RFX7: variants seen among roughly 807,000 people sequenced by gnomAD.
RFX7 encodes the protein DNA-binding protein RFX7.
In RFX7, 26 loss-of-function variants were observed where a neutral mutation model predicts 111.8. That is an observed-to-expected ratio of 0.23 (90% CI 0.17 to 0.32). The LOEUF (loss-of-function observed/expected upper bound fraction) is 0.32. Among genes scored for constraint, RFX7 ranks in the 10% least tolerant of loss-of-function variants. RFX7 has a pLI of 1.00. For missense variants in RFX7, 1,573 were observed against 1,772.9 expected (o/e 0.89, Z 2.02); for synonymous variants, 624 against 624.4 (o/e 1.00, Z 0.01).
In RFX7 at chr15:56,156,213, C is replaced by A. The variant is rs139716637; in HGVS notation, c.196-11730G>T. 1.1e-3 allele frequency among the ~76,000 whole-genome samples: 165 copies of A among 152,156 alleles called. 3 individuals carry two copies. The highest frequency in any genetic ancestry group is 3.8e-3 in the African/African-American group (158 of 41,444). On this transcript the variant is annotated intron_variant, in intron 3 of 9. Transcript: ENST00000559447. ...GATCCTGGTTTGTCCAAACTAAATC[C>A]ACCTTTGAGGCAGAATCCTGAAAGA...
chr15:56,133,612 T>C (rs1473917086), intron 5 of RFX7, among the ~76,000 whole-genome samples: 1 of 152,140 alleles, frequency 6.6e-6, no homozygotes, highest in Non-Finnish European at 1.5e-5. Flanking sequence ...CTAATGATTG[T>C]GTGTCTAACT....
intron 5 of RFX7, among the ~76,000 whole-genome samples, chr15:56,135,922 T>C (rs1342602064): frequency 2.0e-5 from 3 of 152,192 alleles, no homozygotes; most frequent in African/African-American, 7.2e-5. Context: ...GATCAGATAG[T>C]TGTAGATATG....
At chr15:56,181,230 T>C (rs368437556) in intron 2 of RFX7, among the ~76,000 whole-genome samples, 36 of 152,236 alleles carry the variant, frequency 2.4e-4, no homozygotes, top group Middle Eastern at 3.4e-3. Context: ...GCGGCAGGAG[T>C]GGGCCCTGCA....
intron 3 of RFX7, among the ~76,000 whole-genome samples, chr15:56,155,340 A>C (rs534619011): frequency 6.1e-4 from 93 of 152,316 alleles, no homozygotes; most frequent in African/African-American, 2.1e-3. Context: ...CACTATTCAC[A>C]ATAGCAAAGA....
chr15:56,095,103 G>A lies in RFX7; in HGVS notation c.2625C>T (p.Tyr875=). 1 of 1,613,916 alleles carries A rather than the reference G, an allele frequency of 6.2e-7. No homozygotes were observed. The highest frequency in any genetic ancestry group is 1.1e-5 in the South Asian group (1 of 91,080). ...EPSVSQTNES[Y]FPFDDELTQD... ...GTGTAAGTTCATCATCAAAAGGAAA[G>A]TAGCTTTCATTTGTCTGGGAAACAG... Residue 875 remains tyrosine (Y), a synonymous_variant, in exon 10 of 10, where the codon TAC becomes TAT. Coordinates refer to ENST00000559447, the MANE Select transcript of RFX7 (RefSeq NM_022841.7).
chr15:56,156,690 T>G (rs1234206940), intron 3 of RFX7, among the ~76,000 whole-genome samples: 1 of 151,018 alleles, frequency 6.6e-6, no homozygotes, highest in East Asian at 1.9e-4. Context: ...ATGTTCCTAA[T>G]AGCAATACTA....
At chr15:56,198,679 A>T (rs566406187) in intron 2 of RFX7, among the ~76,000 whole-genome samples, 5 of 152,280 alleles carry the variant, frequency 3.3e-5, no homozygotes, top group Non-Finnish European at 5.9e-5. Flanking sequence ...CAGTAGCCAT[A>T]AGGACACTGA....
chr15:56,100,479 G>A (rs558015062), intron 8 of RFX7, among the ~76,000 whole-genome samples: 2 of 152,302 alleles, frequency 1.3e-5, no homozygotes, highest in Admixed American at 6.5e-5. Flanking sequence ...CATTATTAAT[G>A]TGTAAAAGAT....
intron 2 of RFX7, among the ~76,000 whole-genome samples, chr15:56,207,584 A>C (rs1336052363): frequency 6.6e-6 from 1 of 152,130 alleles, no homozygotes; most frequent in African/African-American, 2.4e-5. Context: ...AAAGCAATAA[A>C]CTCTTTCAGA....
intron 2 of RFX7, among the ~76,000 whole-genome samples, chr15:56,227,184 A>G (rs12439133): frequency 0.067 from 10,235 of 152,262 alleles, 461 homozygotes; most frequent in Admixed American, 0.11. Context: ...AAGGTTCTCA[A>G]CTTCAGTGTT....
At chr15:56,110,399 C>G (rs1237558064) in intron 5 of RFX7, among the ~76,000 whole-genome samples, 1 of 118,900 alleles carries the variant, frequency 8.4e-6, no homozygotes, top group East Asian at 2.6e-4. Context: ...CCCGGCCAGC[C>G]GCCCCGTCCG....
chr15:56,200,199 A>G (rs1403822793), intron 2 of RFX7, among the ~76,000 whole-genome samples: 3 of 152,204 alleles, frequency 2.0e-5, no homozygotes, highest in Non-Finnish European at 4.4e-5. Flanking sequence ...CCTAGTCTAC[A>G]GAACAGGAAA....
chr15:56,240,566 T>C (rs1175855849), intron 2 of RFX7, among the ~76,000 whole-genome samples: 3 of 152,154 alleles, frequency 2.0e-5, no homozygotes, highest in Non-Finnish European at 4.4e-5. Flanking sequence ...ACATACTATA[T>C]TTATATTTGT....
intron 3 of RFX7, among the ~76,000 whole-genome samples, chr15:56,157,882 C>T (rs2141074224): frequency 6.6e-6 from 1 of 152,266 alleles, no homozygotes; most frequent in African/African-American, 2.4e-5. Context: ...CCCGGCCTAA[C>T]AATTTATCCT....
chr15:56,114,214 G>C (rs1439288346), intron 5 of RFX7, among the ~76,000 whole-genome samples: 1 of 152,018 alleles, frequency 6.6e-6, no homozygotes, highest in African/African-American at 2.4e-5. Flanking sequence ...GACCAGCCTG[G>C]GCAACCTGGT....
At chr15:56,159,453 C>T (rs775449740) in intron 3 of RFX7, among the ~76,000 whole-genome samples, 33 of 152,186 alleles carry the variant, frequency 2.2e-4, no homozygotes, top group Non-Finnish European at 8.8e-5. Context: ...GATTATGTTA[C>T]ACAAGTACTG....
intron 2 of RFX7, chr15:56,192,330 G>A (rs183249675): frequency 1.2e-4 from 26 of 219,876 alleles, no homozygotes; most frequent in African/African-American, 5.5e-4. Context: ...TCTTCTCAGT[G>A]CCAGAGAAGC....
At chr15:56,167,202 G>A (rs1394772719) in intron 3 of RFX7, among the ~76,000 whole-genome samples, 1 of 152,042 alleles carries the variant, frequency 6.6e-6, no homozygotes, top group Non-Finnish European at 1.5e-5. Flanking sequence ...CAGCTTCTCA[G>A]GAGGCTGAGG....
intron 2 of RFX7, among the ~76,000 whole-genome samples, chr15:56,231,316 G>C (rs1391991653): frequency 6.6e-6 from 1 of 152,116 alleles, no homozygotes; most frequent in Admixed American, 6.5e-5. Flanking sequence ...CCTGAGACTG[G>C]GTAATTTATA....
Sources: gnomAD v4.1 joint callset for allele counts (sites outside exome capture counted in the v4.1 genomes callset) on GRCh38, gnomAD v4.1.1 for gene constraint, MANE v1.5 for transcripts, NCBI Gene and HGNC (gene_info 2026-07-23, HGNC 2026-07-21) for gene names.